Variants in LSAMP observed in about 807,000 individuals in gnomAD.
LSAMP encodes the protein limbic system associated membrane protein.
LSAMP carries 7 observed loss-of-function variants against 38.6 expected under a neutral mutation model. The ratio of observed to expected loss-of-function variants is 0.18; its 90% CI spans 0.10 to 0.34. The LOEUF (loss-of-function observed/expected upper bound fraction) is 0.34, where lower values mean the gene tolerates loss of function less well. Among genes scored for constraint, LSAMP ranks in the 10% least tolerant of loss-of-function variants. LSAMP has a pLI of 1.00. For missense variants in LSAMP, 313 were observed against 420.0 expected, an observed-to-expected ratio of 0.75 and a Z score of 2.23; for synonymous variants, 154 against 166.8, an observed-to-expected ratio of 0.92 and a Z score of 0.59.
chr3:116,417,188 C>A (rs928710528), intron 1 of LSAMP, among the ~76,000 whole-genome samples: 2 of 152,166 alleles, frequency 1.3e-5, no homozygotes, highest in African/African-American at 4.8e-5. Context: ...GAAAAGACAT[C>A]TTTATCCTGA....
chr3:115,929,100 G>C (rs1299594517), intron 3 of LSAMP, among the ~76,000 whole-genome samples: 1 of 149,618 alleles, frequency 6.7e-6, no homozygotes, highest in Non-Finnish European at 1.5e-5. Context: ...GGTGTCCCTA[G>C]AGCCTACCAG....
At chr3:115,916,416 G>A (rs1937252544) in intron 3 of LSAMP, among the ~76,000 whole-genome samples, 2 of 152,188 alleles carry the variant, frequency 1.3e-5, no homozygotes, top group African/African-American at 4.8e-5. Context: ...CACCTCAAGT[G>A]TAAATTCCCA....
chr3:116,101,655 T>C (rs1377706497), intron 1 of LSAMP, among the ~76,000 whole-genome samples: 1 of 152,172 alleles, frequency 6.6e-6, no homozygotes, highest in Non-Finnish European at 1.5e-5. Context: ...ATTTCCCTTA[T>C]CTAGCTGTAG....
chr3:116,142,108 G>A (rs1289846652), intron 1 of LSAMP, among the ~76,000 whole-genome samples: 1 of 151,884 alleles, frequency 6.6e-6, no homozygotes, highest in African/African-American at 2.4e-5. Flanking sequence ...AATTCTTCAG[G>A]ATTTAAACAC....
chr3:116,085,074 G>T (rs1043188297), intron 2 of LSAMP, among the ~76,000 whole-genome samples: 1 of 152,054 alleles, frequency 6.6e-6, no homozygotes, highest in Non-Finnish European at 1.5e-5. Flanking sequence ...ATTTAAATAG[G>T]TTGCCTAAGA....
intron 1 of LSAMP, among the ~76,000 whole-genome samples, chr3:116,120,700 A>T (rs1013841510): frequency 1.3e-5 from 2 of 152,152 alleles, no homozygotes; most frequent in Non-Finnish European, 2.9e-5. Flanking sequence ...ATTTCCAGGT[A>T]TCTTTGAAAA....
intron 6 of LSAMP, among the ~76,000 whole-genome samples, chr3:115,812,232 G>T (rs951210966): frequency 6.6e-6 from 1 of 152,132 alleles, no homozygotes; most frequent in East Asian, 1.9e-4. Flanking sequence ...GCTGTATTAT[G>T]TGTAAATCTA....
intron 3 of LSAMP, among the ~76,000 whole-genome samples, chr3:116,019,026 C>CA (rs1940561485): frequency 6.6e-6 from 1 of 152,068 alleles, no homozygotes; most frequent in Admixed American, 6.6e-5. Flanking sequence ...GCCAAGCAAA[C>CA]AAACATACAA....
chr3:115,995,591 T>C (rs1035807495), intron 3 of LSAMP, among the ~76,000 whole-genome samples: 1 of 151,868 alleles, frequency 6.6e-6, no homozygotes, highest in Non-Finnish European at 1.5e-5. Context: ...AAGACAGTTT[T>C]AGGGTTTTTT....
chr3:116,427,934 A>G (rs924017130), intron 1 of LSAMP, among the ~76,000 whole-genome samples: 3 of 152,190 alleles, frequency 2.0e-5, no homozygotes, highest in Non-Finnish European at 2.9e-5. Flanking sequence ...TCACTTGTCA[A>G]TGGGCTCTAC....
intron 1 of LSAMP, among the ~76,000 whole-genome samples, chr3:116,200,765 T>C (rs1241706899): frequency 6.6e-6 from 1 of 152,232 alleles, no homozygotes; most frequent in Non-Finnish European, 1.5e-5. Context: ...TGTTCTCCTA[T>C]GAAGCAACCA....
chr3:116,139,877 G>A (rs1709333372), intron 1 of LSAMP, among the ~76,000 whole-genome samples: 1 of 151,956 alleles, frequency 6.6e-6, no homozygotes, highest in African/African-American at 2.4e-5. Context: ...AGTTTTCTAT[G>A]GGGTTACAGT....
At chr3:116,023,694 A>G (rs536266911) in intron 2 of LSAMP, among the ~76,000 whole-genome samples, 2 of 151,382 alleles carry the variant, frequency 1.3e-5, no homozygotes, top group Non-Finnish European at 1.5e-5. Flanking sequence ...ACAATCAGAT[A>G]TTTTTTTCCT....
intron 1 of LSAMP, among the ~76,000 whole-genome samples, chr3:116,333,657 T>C (rs1472150012): frequency 6.6e-6 from 1 of 151,336 alleles, no homozygotes; most frequent in African/African-American, 2.4e-5. Context: ...AATAACACAC[T>C]CTTAAATAAT....
chr3:115,820,022 CTTTT>C (rs34311842), intron 6 of LSAMP, among the ~76,000 whole-genome samples: 11 of 145,532 alleles, frequency 7.6e-5, no homozygotes, highest in African/African-American at 2.3e-4. Context: ...GAAATAAACA[CTTTT>C]TTTTTTTTTT....
At chr3:116,158,936 CAAAA>C (rs1189410828) in intron 1 of LSAMP, among the ~76,000 whole-genome samples, 1 of 151,714 alleles carries the variant, frequency 6.6e-6, no homozygotes, top group Non-Finnish European at 1.5e-5. Context: ...GAAAACAAAA[CAAAA>C]CAAAACAAAA....
intron 1 of LSAMP, among the ~76,000 whole-genome samples, chr3:116,167,584 G>A (rs952857027): frequency 2.6e-5 from 4 of 151,934 alleles, no homozygotes; most frequent in South Asian, 2.1e-4. Flanking sequence ...ATTCTTCCAC[G>A]CTTCTATCCA....
intron 1 of LSAMP, among the ~76,000 whole-genome samples, chr3:116,232,283 G>A (rs1422295006): frequency 6.6e-6 from 1 of 152,112 alleles, no homozygotes; most frequent in Non-Finnish European, 1.5e-5. Context: ...GCATCACCAG[G>A]TAACAGCTTT....
intron 2 of LSAMP, among the ~76,000 whole-genome samples, chr3:116,042,611 G>A (rs1351680061): frequency 6.6e-6 from 1 of 151,924 alleles, no homozygotes. Context: ...TTGTATTTTA[G>A]TAGAGACGGG....
Sources: allele counts gnomAD v4.1 joint callset (sites outside exome capture counted in the v4.1 genomes callset), GRCh38; gene constraint gnomAD v4.1.1; transcripts MANE v1.5; gene names NCBI Gene and HGNC (gene_info 2026-07-23, HGNC 2026-07-21).